The following LMNTD1 variants were observed in gnomAD, a reference collection of about 807,000 sequenced individuals.
LMNTD1 encodes lamin tail domain-containing protein 1.
LMNTD1 carries 35 observed loss-of-function variants against 50.9 expected under a neutral mutation model. The ratio of observed to expected loss-of-function variants is 0.69; its 90% CI spans 0.53 to 0.91. The LOEUF (loss-of-function observed/expected upper bound fraction) is 0.91. LMNTD1 is among the 40% of genes least tolerant of loss of function. The pLI, the probability that LMNTD1 is intolerant of heterozygous loss-of-function variation, is 0.00. For synonymous variants in LMNTD1, 153 were observed against 161.9 expected, an observed-to-expected ratio of 0.94 and a Z score of 0.42; for missense variants, 470 against 475.5, an observed-to-expected ratio of 0.99 and a Z score of 0.11.
intron 1 of LMNTD1, among the ~76,000 whole-genome samples, chr12:25,591,858 A>AGAGAGAGAGAGT (rs1945710122): frequency 6.8e-6 from 1 of 146,018 alleles, no homozygotes; most frequent in Non-Finnish European, 1.5e-5. Context: ...AGAGAGAGAG[A>AGAGAGAGAGAGT]CTCTATTTAT....
At chr12:25,561,985 C>T (rs1006722314) in intron 1 of LMNTD1, among the ~76,000 whole-genome samples, 11 of 152,086 alleles carry the variant, frequency 7.2e-5, no homozygotes, top group African/African-American at 2.4e-4. Flanking sequence ...TTTCCGTTTG[C>T]TTGGTAGATC....
intron 6 of LMNTD1, among the ~76,000 whole-genome samples, chr12:25,523,261 T>C (rs1941472455): frequency 6.6e-6 from 1 of 152,204 alleles, no homozygotes; most frequent in Non-Finnish European, 1.5e-5. Flanking sequence ...ATCAAACTCC[T>C]GACCTTGTGA....
intron 9 of LMNTD1, among the ~76,000 whole-genome samples, chr12:25,478,660 C>T (rs999481645): frequency 3.3e-5 from 5 of 152,072 alleles, no homozygotes; most frequent in African/African-American, 1.2e-4. Flanking sequence ...TCGTGGGTAC[C>T]GTGTAATCCC....
chr12:25,643,552 C>A (rs1238681969), intron 1 of LMNTD1, among the ~76,000 whole-genome samples: 1 of 152,204 alleles, frequency 6.6e-6, no homozygotes, highest in Non-Finnish European at 1.5e-5. Flanking sequence ...GCAGATTTTC[C>A]TTTCAACTCA....
At chr12:25,578,143 C>T (rs1273960916) in intron 1 of LMNTD1, among the ~76,000 whole-genome samples, 3 of 152,182 alleles carry the variant, frequency 2.0e-5, no homozygotes, top group Non-Finnish European at 4.4e-5. Context: ...TACACATGTG[C>T]ACACATGCAC....
Position 25,505,461 on chromosome 12 carries a change from G to A in LMNTD1, c.1190-1661C>T, listed in dbSNP as rs561297600. Among the ~76,000 whole-genome samples, 388 of 152,118 alleles carry A rather than the reference G, an allele frequency of 2.6e-3. 1 individual carries two copies. Among genetic ancestry groups the A allele is most frequent in the Non-Finnish European group, 4.9e-3 (331 of 67,968 alleles). On this transcript the variant is annotated intron_variant, in intron 8 of 9. Coordinates refer to ENST00000458174, the MANE Select transcript of LMNTD1 (RefSeq NM_001145728.2). Reference sequence around the variant, plus strand: ...TTCATTATTCAGCCATTAAAGAAACGTTTATTTCAATTGTAAGAAGCAGCA... The same window carrying A: ...TTCATTATTCAGCCATTAAAGAAACATTTATTTCAATTGTAAGAAGCAGCA...
chr12:25,566,689 C>T (rs754714487), intron 1 of LMNTD1, among the ~76,000 whole-genome samples: 3 of 152,172 alleles, frequency 2.0e-5, no homozygotes, highest in Admixed American at 1.3e-4. Context: ...TTTCTTCCTC[C>T]CTGGTAACCA....
At chr12:25,634,316 C>A (rs1946780705) in intron 1 of LMNTD1, among the ~76,000 whole-genome samples, 1 of 152,102 alleles carries the variant, frequency 6.6e-6, no homozygotes, top group African/African-American at 2.4e-5. Flanking sequence ...AAAGAAAGAA[C>A]CCTCCCTAAT....
intron 9 of LMNTD1, among the ~76,000 whole-genome samples, chr12:25,476,846 C>T (rs559438398): frequency 6.6e-6 from 1 of 152,128 alleles, no homozygotes; most frequent in Admixed American, 6.5e-5. Context: ...GGAATAATGT[C>T]CTCAGTGTTT....
intron 1 of LMNTD1, among the ~76,000 whole-genome samples, chr12:25,594,910 C>G (rs1172526652): frequency 1.3e-5 from 2 of 151,984 alleles, no homozygotes; most frequent in Admixed American, 6.6e-5. Flanking sequence ...AAATAGACAC[C>G]AAAAGCCAGC....
chr12:25,619,248 C>CTATATATATA (rs1256778114), intron 1 of LMNTD1, among the ~76,000 whole-genome samples: 1 of 78,554 alleles, frequency 1.3e-5, no homozygotes, highest in East Asian at 4.6e-4. Context: ...CTCTCTCTCT[C>CTATATATATA]TCTCTATATA....
chr12:25,629,826 G>A (rs1375647094), intron 1 of LMNTD1, among the ~76,000 whole-genome samples: 3 of 152,068 alleles, frequency 2.0e-5, no homozygotes, highest in Non-Finnish European at 4.4e-5. Flanking sequence ...TATATATAGA[G>A]AGAGAGACAG....
chr12:25,509,099 G>A (rs1031493121), intron 8 of LMNTD1, among the ~76,000 whole-genome samples: 7 of 152,076 alleles, frequency 4.6e-5, no homozygotes, highest in Non-Finnish European at 7.4e-5. Context: ...TATAATGAAA[G>A]TATGACATAT....
rs144750046 is a variant in LMNTD1, at chr12:25,508,084, T to C, written c.1190-4284A>G. On this transcript the variant is annotated intron_variant, in intron 8 of 9. Coordinates refer to ENST00000458174, the MANE Select transcript of LMNTD1 (RefSeq NM_001145728.2). ...CTGTCCATGCTCATTAATGGAACCATGCTTTCTTCCCTTACCAGTTTTTAT... is the reference window on the plus strand; with the variant it reads ...CTGTCCATGCTCATTAATGGAACCACGCTTTCTTCCCTTACCAGTTTTTAT... 3.8e-3 allele frequency among the ~76,000 whole-genome samples: 555 copies of C among 146,044 alleles called. 3 individuals carry two copies. The highest frequency in any genetic ancestry group is 0.013 in the African/African-American group (540 of 40,002).
In LMNTD1 at chr12:25,537,716, G is replaced by T. The variant is rs534609944; in HGVS notation, c.491+8658C>A. 7.2e-5 allele frequency among the ~76,000 whole-genome samples: 11 copies of T among 152,300 alleles called. No individual in the cohort carries two copies. The South Asian group carries it at 2.3e-3, about 32-fold the overall frequency. ...TCCTCACCAGCAACAGAACAAAGCT[G>T]GATGGAGAATGACTTTGACGAGCTG... On this transcript the variant is annotated intron_variant, in intron 4 of 9. Coordinates refer to ENST00000458174, the MANE Select transcript of LMNTD1 (RefSeq NM_001145728.2).
At chr12:25,493,976 A>C (rs1205676081) in intron 9 of LMNTD1, among the ~76,000 whole-genome samples, 1 of 152,128 alleles carries the variant, frequency 6.6e-6, no homozygotes, top group Non-Finnish European at 1.5e-5. Context: ...TGTGGACAGG[A>C]ATGTGCTGTC....
chr12:25,477,408 G>A (rs1196424044), intron 9 of LMNTD1, among the ~76,000 whole-genome samples: 1 of 152,064 alleles, frequency 6.6e-6, no homozygotes, highest in Non-Finnish European at 1.5e-5. Flanking sequence ...GATAAAATCG[G>A]TCGTAGAAAG....
At chr12:25,490,244 G>C (rs866229276) in intron 9 of LMNTD1, among the ~76,000 whole-genome samples, 3 of 152,280 alleles carry the variant, frequency 2.0e-5, no homozygotes, top group Non-Finnish European at 1.5e-5. Flanking sequence ...ATTCACAATG[G>C]GTTTTTTGCT....
chr12:25,555,800 C>A (rs1430515159), upstream of LMNTD1, among the ~76,000 whole-genome samples: 1 of 151,852 alleles, frequency 6.6e-6, no homozygotes, highest in Non-Finnish European at 1.5e-5. Flanking sequence ...TTTTTGACTG[C>A]AAATATCTAA....
Sources: gnomAD v4.1 joint callset for allele counts (sites outside exome capture counted in the v4.1 genomes callset) on GRCh38, gnomAD v4.1.1 for gene constraint, MANE v1.5 for transcripts, NCBI Gene and HGNC (gene_info 2026-07-23, HGNC 2026-07-21) for gene names.